COQ5: variants seen among roughly 807,000 people sequenced by gnomAD.
COQ5 encodes coenzyme Q5, methyltransferase.
In COQ5, 27 loss-of-function variants were observed where a neutral mutation model predicts 40.5. The ratio of observed to expected loss-of-function variants is 0.67; its 90% confidence interval spans 0.49 to 0.92. The LOEUF (loss-of-function observed/expected upper bound fraction) is 0.92. Ranked by LOEUF, COQ5 falls within the 40% of genes least tolerant of loss-of-function variation. The pLI, the probability that COQ5 is intolerant of heterozygous loss-of-function variation, is 0.00. For synonymous variants in COQ5, 141 were observed against 150.0 expected (o/e 0.94, Z 0.44); for missense variants, 409 against 406.4 (o/e 1.01, Z -0.06).
chr12:120,503,834 C>T lies in COQ5; in HGVS notation c.934G>A (p.Glu312Lys), dbSNP rs915670363. The T allele has an allele frequency of 3.7e-6, 6 of 1,614,164 alleles. No individual in the cohort carries two copies. The highest frequency in any genetic ancestry group is 1.3e-5 in the African/African-American group (1 of 75,058). The change falls in exon 7 of 7, where the codon GAA (glutamate) becomes AAA (lysine). Residue 312 changes from glutamate to lysine, a missense_variant. Glu to Lys is a moderately conservative substitution (Grantham distance 56). Coordinates refer to ENST00000288532, the MANE Select transcript of COQ5 (RefSeq NM_032314.4). Reference protein sequence around the residue: ...EDAGFHKVTYESLTSGIVAIH... With the variant: ...EDAGFHKVTYKSLTSGIVAIH... ...GCCACAATGCCTGATGTTAGACTTT[C>T]GTAAGTCACCTTGTGAAAGCCTGCA...
chr12:120,525,012 T>C (rs1299194741), intron 1 of COQ5, among the ~76,000 whole-genome samples: 1 of 149,966 alleles, frequency 6.7e-6, no homozygotes, highest in Non-Finnish European at 1.5e-5. Flanking sequence ...GGGGTTTCAC[T>C]GCTAGCCAGG....
intron 2 of COQ5, 146 bp from the exon 3 acceptor site, chr12:120,516,934 C>T (rs551018232): frequency 2.7e-6 from 2 of 746,922 alleles, no homozygotes; most frequent in Middle Eastern, 3.4e-4. Flanking sequence ...AAAGCCAAGT[C>T]CTTTCTTCTT....
At chr12:120,518,967 T>C (rs952393811) in intron 2 of COQ5, among the ~76,000 whole-genome samples, 3 of 152,244 alleles carry the variant, frequency 2.0e-5, no homozygotes, top group Non-Finnish European at 4.4e-5. Context: ...TTTATAGGTA[T>C]GCATATAACA....
At chr12:120,524,524 T>G (rs1869847638) in intron 1 of COQ5, among the ~76,000 whole-genome samples, 1 of 151,990 alleles carries the variant, frequency 6.6e-6, no homozygotes, top group Admixed American at 6.6e-5. Flanking sequence ...CCTCCCAAAG[T>G]GCTAGGATTA....
chr12:120,509,467 G>T (rs1168430228), intron 4 of COQ5, among the ~76,000 whole-genome samples: 1 of 152,134 alleles, frequency 6.6e-6, no homozygotes, highest in Non-Finnish European at 1.5e-5. Flanking sequence ...GTGTTTGAGG[G>T]CCCTTGTCTT....
At chr12:120,528,689 A>G (rs1870079883) in intron 1 of COQ5, among the ~76,000 whole-genome samples, 1 of 151,926 alleles carries the variant, frequency 6.6e-6, no homozygotes, top group African/African-American at 2.4e-5. Context: ...CTGTAATCCC[A>G]GCTACTCGGG....
rs61584250 is a variant in COQ5 at position 120,526,698 on chromosome 12, A to ATTTTTTTTTTTTTTTTTTTTTT, written c.202+2220_202+2241dup. On this transcript the variant is annotated intron_variant, in intron 1 of 6. Transcript: ENST00000288532. ...AATAGTGCTCAAACTACTCTTGGCA[A>ATTTTTTTTTTTTTTTTTTTTTT]TTTTTTTTTTTTTTTTTTTTTTTTT... Among the ~76,000 whole-genome samples, 13 of 64,150 alleles carry ATTTTTTTTTTTTTTTTTTTTTT rather than the reference A, an allele frequency of 2.0e-4. 3 individuals are homozygous for ATTTTTTTTTTTTTTTTTTTTTT. Among genetic ancestry groups the ATTTTTTTTTTTTTTTTTTTTTT allele is most frequent in the African/African-American group, 5.7e-4 (7 of 12,192 alleles). The allele number at this position is 64,150 out of a possible 152,430, so 42.1% of individuals were successfully genotyped here.
chr12:120,514,867 C>T (rs1464448619), intron 3 of COQ5, among the ~76,000 whole-genome samples: 1 of 152,022 alleles, frequency 6.6e-6, no homozygotes, highest in Non-Finnish European at 1.5e-5. Flanking sequence ...CATCTTGGTT[C>T]ACCACAACCT....
chr12:120,528,844 TG>T, intron 1 of COQ5, 95 bp downstream of exon 1: 2 of 1,127,036 alleles, frequency 1.8e-6, no homozygotes, highest in Non-Finnish European at 2.7e-6. Context: ...ACAACAACAC[TG>T]GAACTAATTG....
At chr12:120,528,217 A>G (rs978117631) in intron 1 of COQ5, among the ~76,000 whole-genome samples, 3 of 151,178 alleles carry the variant, frequency 2.0e-5, no homozygotes, top group African/African-American at 7.3e-5. Flanking sequence ...TAAATAAATA[A>G]ATAAATAAAT....
At chr12:120,508,862 G>A (rs1593014952) in intron 4 of COQ5, among the ~76,000 whole-genome samples, 1 of 151,780 alleles carries the variant, frequency 6.6e-6, no homozygotes, top group East Asian at 1.9e-4. Context: ...CGTCTCTACT[G>A]ATAAATACAA....
In COQ5 at chr12:120,520,759, CT is replaced by C. The variant is rs567315115; in HGVS notation, c.352+1454del. On this transcript the variant is annotated intron_variant, in intron 2 of 6. Coordinates refer to ENST00000288532, the MANE Select transcript of COQ5 (RefSeq NM_032314.4). ...AGGCGTGAGCCACCACGCCCAGCCT[CT>C]AATGTAATTTAACATGTACGATGAC... Among the ~76,000 whole-genome samples, 642 of 152,102 alleles carry C rather than the reference CT, an allele frequency of 4.2e-3. 6 individuals are homozygous for C. Among genetic ancestry groups the C allele is most frequent in the Non-Finnish European group, 7.5e-3 (512 of 68,010 alleles).
At chr12:120,507,514 GAC>G (rs1868934548) in intron 4 of COQ5, among the ~76,000 whole-genome samples, 1 of 149,980 alleles carries the variant, frequency 6.7e-6, no homozygotes, top group East Asian at 2.0e-4. Context: ...TCGAACTCCT[GAC>G]CTCATGATCC....
intron 3 of COQ5, among the ~76,000 whole-genome samples, chr12:120,515,561 G>C (rs1019017478): frequency 1.3e-5 from 2 of 152,212 alleles, no homozygotes; most frequent in African/African-American, 4.8e-5. Context: ...GGTCCTCTGA[G>C]AAACATGCTG....
At chr12:120,506,659 G>A (rs567592324) in intron 4 of COQ5, among the ~76,000 whole-genome samples, 8 of 141,134 alleles carry the variant, frequency 5.7e-5, no homozygotes, top group African/African-American at 2.0e-4. Context: ...GGGCCACCAC[G>A]CCCAGCCTAT....
At chr12:120,526,637 C>G (rs1231212294) in intron 1 of COQ5, 1 of 263,646 alleles carries the variant, frequency 3.8e-6, no homozygotes. Flanking sequence ...TTTGCCAAGG[C>G]ATAGAAAAGA....
chr12:120,513,310 T>C (rs1037645717), intron 3 of COQ5, among the ~76,000 whole-genome samples: 4 of 150,148 alleles, frequency 2.7e-5, no homozygotes, highest in African/African-American at 7.3e-5. Context: ...GAGACCATCC[T>C]GGCTAACACA....
Position 120,526,822 on chromosome 12 carries a change from C to G in COQ5, c.202+2118G>C, listed in dbSNP as rs554420342. On this transcript the variant is annotated intron_variant, in intron 1 of 6. Transcript: ENST00000288532. Reference sequence around the variant, plus strand: ...CTCCTCCTCCCGGGTTCATGCCATTCTCCTGCCTCAGCCTCCGGAGTAGCT... The same window carrying G: ...CTCCTCCTCCCGGGTTCATGCCATTGTCCTGCCTCAGCCTCCGGAGTAGCT... 46 of 167,128 alleles carry G rather than the reference C, an allele frequency of 2.8e-4. No homozygotes were observed. The East Asian group carries it at 7.5e-3, about 27-fold the overall frequency. 10.4% of individuals were successfully genotyped at this position (167,128 alleles called of 1,614,324 possible).
At chr12:120,525,509 G>A (rs1489190338) in intron 1 of COQ5, among the ~76,000 whole-genome samples, 2 of 152,136 alleles carry the variant, frequency 1.3e-5, no homozygotes, top group Non-Finnish European at 1.5e-5. Context: ...CCAGCTACTC[G>A]GGGGGCTAAT....
Sources: allele counts gnomAD v4.1 joint callset (sites outside exome capture counted in the v4.1 genomes callset), GRCh38; gene constraint gnomAD v4.1.1; transcripts MANE v1.5; gene names NCBI Gene and HGNC (gene_info 2026-07-23, HGNC 2026-07-21).